TRIM24: variants seen among roughly 807,000 people sequenced by gnomAD.
The protein encoded by TRIM24 is transcription intermediary factor 1-alpha.
In TRIM24, 29 loss-of-function variants were observed where a neutral mutation model predicts 123.9. The ratio of observed to expected loss-of-function variants is 0.23; its 90% confidence interval spans 0.17 to 0.32. TRIM24 has a LOEUF of 0.32. Among genes scored for constraint, TRIM24 ranks in the 10% least tolerant of loss-of-function variants. TRIM24 has a pLI of 1.00. For missense variants in TRIM24, 932 were observed against 1,295.3 expected (o/e 0.72, Z 4.31); for synonymous variants, 456 against 461.1 (o/e 0.99, Z 0.14).
At chr7:138,583,070 GT>G (rs1797936503) in intron 17 of TRIM24, among the ~76,000 whole-genome samples, 1 of 152,132 alleles carries the variant, frequency 6.6e-6, no homozygotes, top group Admixed American at 6.5e-5. Context: ...AATGCTGTGA[GT>G]TTGGCAGGAT....
At chr7:138,559,585 C>T (rs967759046) in intron 9 of TRIM24, among the ~76,000 whole-genome samples, 27 of 152,016 alleles carry the variant, frequency 1.8e-4, no homozygotes, top group African/African-American at 6.3e-4. Context: ...GCTGTTGTCT[C>T]CTCAAGCTTC....
chr7:138,466,129 A>C (rs1332061713), intron 1 of TRIM24, among the ~76,000 whole-genome samples: 1 of 152,050 alleles, frequency 6.6e-6, no homozygotes, highest in Non-Finnish European at 1.5e-5. Flanking sequence ...TCAGCCTCCC[A>C]AGCAGCTGGG....
At position 138,516,820 on chromosome 7, in the gene TRIM24, T is replaced by TG. The variant is rs550137389; in HGVS notation, c.631+1461_631+1462insG. ...ATGTAGCAAAACCGTTTTGTTTTTT[T>TG]TTTTTTTTTGAGACTAGTGAAAGAC... On this transcript the variant is annotated intron_variant, in intron 3 of 18. Transcript: ENST00000343526. 7.9e-5 allele frequency among the ~76,000 whole-genome samples: 12 copies of TG among 151,748 alleles called. No homozygotes were observed. The South Asian group carries it at 2.5e-3, about 32-fold the overall frequency.
chr7:138,460,689 G>A lies in TRIM24; in HGVS notation c.141G>A (p.Ala47=), dbSNP rs1265856627. ...QGPDSERGGE[A]ARLNLLDTCA... is the part of the protein sequence containing the mutation. Reference sequence around the variant, plus strand: ...CGGACTCGGAGCGCGGCGGCGAGGCGGCCCGGCTCAACCTGTTGGACACTT... The same window carrying A: ...CGGACTCGGAGCGCGGCGGCGAGGCAGCCCGGCTCAACCTGTTGGACACTT... The change falls in exon 1 of 19, where the codon GCG becomes GCA. Residue 47 remains alanine, a synonymous_variant. Transcript: ENST00000343526. The A allele has an allele frequency of 6.5e-7, 1 of 1,539,672 alleles. No homozygotes were observed. Among genetic ancestry groups the A allele is most frequent in the Non-Finnish European group, 8.7e-7 (1 of 1,149,206 alleles).
intron 4 of TRIM24, among the ~76,000 whole-genome samples, chr7:138,522,433 T>C (rs1796523592): frequency 1.3e-5 from 2 of 152,140 alleles, no homozygotes; most frequent in African/African-American, 4.8e-5. Flanking sequence ...ATTCTTACAA[T>C]AAAATATTTT....
chr7:138,530,475 A>T (rs553305488), intron 6 of TRIM24, among the ~76,000 whole-genome samples: 28 of 151,742 alleles, frequency 1.8e-4, no homozygotes, highest in African/African-American at 4.4e-4. Context: ...TTAAAAAAAA[A>T]TTTTTTTTGA....
intron 6 of TRIM24, among the ~76,000 whole-genome samples, chr7:138,531,979 CA>C (rs1796757073): frequency 6.6e-6 from 1 of 152,150 alleles, no homozygotes; most frequent in Admixed American, 6.5e-5. Context: ...TGATGATGAG[CA>C]ATTTTTCATG....
In TRIM24 at chr7:138,583,981, C is replaced by T. The variant is rs56055129; in HGVS notation, c.2925C>T (p.Asn975=). The T allele has an allele frequency of 3.9e-3, 6,296 of 1,608,128 alleles. 20 individuals carry two copies. Among genetic ancestry groups the T allele is most frequent in the Non-Finnish European group, 4.8e-3 (5,659 of 1,178,338 alleles). Reference sequence around the variant, plus strand: ...CTGATTTTAGATTGATCTTTCAAAACTGTGCTGAATTCAATGAGGTGAGGC... The same window carrying T: ...CTGATTTTAGATTGATCTTTCAAAATTGTGCTGAATTCAATGAGGTGAGGC... ...FVADFRLIFQ[N]CAEFNEPDSE... The change falls in exon 18 of 19, where the codon AAC becomes AAT. Residue 975 remains asparagine (N), a synonymous_variant. Coordinates refer to ENST00000343526, the MANE Select transcript of TRIM24 (RefSeq NM_015905.3).
Position 138,581,970 on chromosome 7 carries a change from ATTCT to A in TRIM24, c.2793+205_2793+208del, listed in dbSNP as rs1260658990. ...CAAAACTTCTGTTCATTTCTCAGGT[ATTCT>A]TTCTTCTTTCTTTTCTCATCTATTT... On this transcript the variant is annotated intron_variant, in intron 17 of 18. Transcript: ENST00000343526. Among the ~76,000 whole-genome samples the A allele has an allele frequency of 2.6e-5, 4 of 152,224 alleles. No homozygotes were observed. The South Asian group carries it at 8.3e-4, about 32-fold the overall frequency.
At chr7:138,529,026 A>T in intron 5 of TRIM24, 90 bp from the exon 6 acceptor site, 1 of 653,344 alleles carries the variant, frequency 1.5e-6, no homozygotes, top group African/African-American at 1.9e-5. Flanking sequence ...AAGGGCTGAA[A>T]ACATTTTGGT....
intron 9 of TRIM24, 52 bp downstream of exon 9, chr7:138,555,018 G>A (rs757486967): frequency 6.5e-7 from 1 of 1,526,756 alleles, no homozygotes. Flanking sequence ...GTATAATTGT[G>A]TTTAGCAGCT....
intron 1 of TRIM24, among the ~76,000 whole-genome samples, chr7:138,467,795 C>T (rs1198106887): frequency 4.0e-5 from 6 of 151,870 alleles, no homozygotes; most frequent in African/African-American, 1.5e-4. Context: ...TAAATGATAT[C>T]GTATATGATA....
rs980237782 is a variant in TRIM24, at chr7:138,549,043, A to G, written c.1144-2020A>G. The stretch of plus-strand genomic sequence containing the variant: ...CTAAAATAATGAGAAAAAGTATAAT[A>G]TAATAAATACATAAACCAGTAACAT... On this transcript the variant is annotated intron_variant, in intron 7 of 18. Transcript: ENST00000343526. Among the ~76,000 whole-genome samples, 7 of 152,178 alleles carry G rather than the reference A, an allele frequency of 4.6e-5. 1 individual carries two copies. Among genetic ancestry groups the G allele is most frequent in the South Asian group, 4.1e-4 (2 of 4,832 alleles).
At chr7:138,490,769 AG>A (rs1795763452) in intron 1 of TRIM24, 1 of 498,080 alleles carries the variant, frequency 2.0e-6, no homozygotes, top group African/African-American at 2.0e-5. Context: ...TAGATTGGCA[AG>A]CCTTTTCTAT....
rs964852312 is a variant in TRIM24, at chr7:138,481,977, A to C, written c.364+21065A>C. Among the ~76,000 whole-genome samples the C allele has an allele frequency of 2.0e-5, 3 of 152,068 alleles. 1 individual carries two copies. Among genetic ancestry groups the C allele is most frequent in the Non-Finnish European group, 4.4e-5 (3 of 68,012 alleles). ...AGCCCCATTAGCGGAAAATAGTACC[A>C]TTCTTTTCCCAGTGCTCTACACCGC... On this transcript the variant is annotated intron_variant, in intron 1 of 18. Transcript: ENST00000343526.
chr7:138,579,217 G>A lies in TRIM24; in HGVS notation c.2270G>A (p.Arg757Lys). 6.3e-7 allele frequency: 1 copy of A among 1,575,696 alleles called. No homozygotes were observed. The highest frequency in any genetic ancestry group is 1.2e-5 in the South Asian group (1 of 85,718). ...ESRPQNANYP[R>K]SILTSLLLNS... Reference sequence around the variant, plus strand: ...TTTCTACTACAGGCCAATTATCCAAGAAGCATACTCACCTCCCTGCTCTTA... The same window carrying A: ...TTTCTACTACAGGCCAATTATCCAAAAAGCATACTCACCTCCCTGCTCTTA... The change falls in exon 15 of 19, where the codon AGA (arginine) becomes AAA (lysine). Residue 757 changes from arginine (R) to lysine (K), a missense_variant. Around this residue, in one of 7 missense-constraint regions of TRIM24, gnomAD observed 527 missense variants for 691.3 expected, o/e 0.76. Coordinates refer to ENST00000343526, the MANE Select transcript of TRIM24 (RefSeq NM_015905.3).
At chr7:138,564,741 G>A (rs913350850) in intron 9 of TRIM24, among the ~76,000 whole-genome samples, 6 of 152,224 alleles carry the variant, frequency 3.9e-5, no homozygotes, top group African/African-American at 7.2e-5. Flanking sequence ...CCTTTGGCTG[G>A]CCATCCGACA....
At chr7:138,500,956 A>C (rs1054213544) in intron 1 of TRIM24, among the ~76,000 whole-genome samples, 4 of 128,458 alleles carry the variant, frequency 3.1e-5, no homozygotes, top group Non-Finnish European at 6.9e-5. Context: ...AGAAAACTAC[A>C]GTGTAAAAGA....
At chr7:138,551,224 G>T in intron 8 of TRIM24, 44 bp downstream of exon 8, 1 of 1,485,820 alleles carries the variant, frequency 6.7e-7, no homozygotes, top group Non-Finnish European at 9.4e-7. Flanking sequence ...GCATTTGTCT[G>T]TAAAACTCAA....
Sources: gnomAD v4.1 joint callset for allele counts (sites outside exome capture counted in the v4.1 genomes callset) on GRCh38, gnomAD v4.1.1 for gene constraint, gnomAD v4.1.1 regional missense constraint, MANE v1.5 for transcripts, NCBI Gene and HGNC (gene_info 2026-07-23, HGNC 2026-07-21) for gene names.